Variants in ADAMTSL1 observed in about 807,000 individuals in gnomAD.
The protein encoded by ADAMTSL1 is ADAMTS like 1, also known as ADAMTS-like protein 1.
Under a neutral mutation model 201.8 loss-of-function variants are expected in ADAMTSL1, and 126 were observed. The observed-to-expected ratio is 0.62, with a 90% CI of 0.54 to 0.72. The LOEUF (loss-of-function observed/expected upper bound fraction) is 0.72, where lower values mean the gene tolerates loss of function less well. ADAMTSL1 is among the 30% of genes least tolerant of loss of function. ADAMTSL1 has a pLI of 0.00. For missense variants in ADAMTSL1, 2,679 were observed against 2,277.8 expected, an observed-to-expected ratio of 1.18 and a Z score of -3.59; for synonymous variants, 1,121 against 903.4, an observed-to-expected ratio of 1.24 and a Z score of -4.32.
chr9:18,135,128 T>C (rs1244176884), intron 1 of ADAMTSL1, among the ~76,000 whole-genome samples: 2 of 152,190 alleles, frequency 1.3e-5, no homozygotes, highest in Non-Finnish European at 2.9e-5. Context: ...TCAGTATTTG[T>C]AATTATAAAC....
chr9:18,471,236 C>A (rs902614016), upstream of ADAMTSL1, among the ~76,000 whole-genome samples: 2 of 152,254 alleles, frequency 1.3e-5, no homozygotes, highest in East Asian at 3.9e-4. Flanking sequence ...TCAACAACAT[C>A]ACTGCCAACA....
intron 3 of ADAMTSL1, among the ~76,000 whole-genome samples, chr9:18,539,083 T>G (rs959406390): frequency 6.6e-6 from 1 of 152,146 alleles, no homozygotes; most frequent in Non-Finnish European, 1.5e-5. Flanking sequence ...CTACTAAACT[T>G]TCCCATACTC....
At chr9:18,805,188 C>G (rs530457636) in intron 20 of ADAMTSL1, among the ~76,000 whole-genome samples, 4 of 152,294 alleles carry the variant, frequency 2.6e-5, no homozygotes, top group Admixed American at 6.5e-5. Flanking sequence ...ACAAGGCCAG[C>G]CATGGTGTGA....
At chr9:18,616,824 CTTT>C (rs927698198) in intron 4 of ADAMTSL1, among the ~76,000 whole-genome samples, 1 of 152,050 alleles carries the variant, frequency 6.6e-6, no homozygotes, top group Non-Finnish European at 1.5e-5. Context: ...TGCTATAAAT[CTTT>C]TTATTATTTA....
At chr9:18,075,140 A>AG (rs1360479502) in intron 1 of ADAMTSL1, among the ~76,000 whole-genome samples, 2 of 151,504 alleles carry the variant, frequency 1.3e-5, no homozygotes, top group African/African-American at 4.9e-5. Context: ...AACTTCTGTG[A>AG]GGGGGAGGGA....
At chr9:18,239,868 T>G (rs1419835135) in intron 2 of ADAMTSL1, among the ~76,000 whole-genome samples, 1 of 152,176 alleles carries the variant, frequency 6.6e-6, no homozygotes, top group East Asian at 1.9e-4. Flanking sequence ...TTCATTCAAG[T>G]TTTATTGTGA....
chr9:18,517,332 G>A (rs1157679947), intron 2 of ADAMTSL1, among the ~76,000 whole-genome samples: 2 of 151,550 alleles, frequency 1.3e-5, no homozygotes, highest in East Asian at 1.9e-4. Context: ...GAAAATAAAC[G>A]TGTTCATTAA....
chr9:18,392,553 A>G (rs1838095151), intron 2 of ADAMTSL1, among the ~76,000 whole-genome samples: 1 of 152,138 alleles, frequency 6.6e-6, no homozygotes, highest in Non-Finnish European at 1.5e-5. Flanking sequence ...TCTGTTATTT[A>G]GTATTTTTGA....
intron 24 of ADAMTSL1, 126 bp from the exon 25 acceptor site, chr9:18,889,442 A>G (rs1409667317): frequency 9.7e-7 from 1 of 1,031,128 alleles, no homozygotes; most frequent in Non-Finnish European, 1.4e-6. Flanking sequence ...CCTCATTTAT[A>G]ATAGCTCCTC....
intron 1 of ADAMTSL1, among the ~76,000 whole-genome samples, chr9:18,022,244 C>T (rs1050538077): frequency 7.9e-5 from 12 of 152,122 alleles, no homozygotes; most frequent in Admixed American, 6.6e-5. Context: ...TGAGCACTGC[C>T]AGTACCTCAT....
rs150358597 is a variant in ADAMTSL1 at position 17,949,647 on chromosome 9, C to G, written c.87+42725C>G. The stretch of plus-strand genomic sequence containing the variant: ...ACAATGACATGTTTCTGTCTTATTG[C>G]TCACAGGCAGCATGGTAGTAGAAAC... On this transcript the variant is annotated intron_variant, in intron 1 of 29. Transcript: ENST00000680146. Among the ~76,000 whole-genome samples, 714 of 152,296 alleles carry G rather than the reference C, an allele frequency of 4.7e-3. 4 individuals are homozygous for G. Among genetic ancestry groups the G allele is most frequent in the African/African-American group, 0.016 (680 of 41,574 alleles).
At chr9:18,537,955 G>A (rs1223770353) in intron 3 of ADAMTSL1, among the ~76,000 whole-genome samples, 1 of 125,196 alleles carries the variant, frequency 8.0e-6, no homozygotes, top group Non-Finnish European at 1.7e-5. Flanking sequence ...AGAAGAAGAA[G>A]GAAGAAGAGA....
chr9:18,647,922 G>C (rs1028749000), intron 7 of ADAMTSL1, among the ~76,000 whole-genome samples: 9 of 150,328 alleles, frequency 6.0e-5, no homozygotes, highest in Non-Finnish European at 1.3e-4. Context: ...GCAGAGCTGA[G>C]TTCAATTCCT....
chr9:18,892,633 T>G, intron 26 of ADAMTSL1, 37 bp downstream of exon 26: 1 of 1,544,226 alleles, frequency 6.5e-7, no homozygotes, highest in Non-Finnish European at 8.7e-7. Flanking sequence ...GAAAGCTAAA[T>G]CTAAAGGAAT....
chr9:18,330,651 C>T lies in ADAMTSL1; in HGVS notation c.207+166670C>T, dbSNP rs912325842. Among the ~76,000 whole-genome samples the T allele has an allele frequency of 6.6e-5, 10 of 152,230 alleles. No homozygotes were observed. The South Asian group carries it at 1.5e-3, about 22-fold the overall frequency. On this transcript the variant is annotated intron_variant, in intron 2 of 29. Transcript: ENST00000680146. ...ATTTTATAGACATGTGGGATATTAT[C>T]CCAAATTCACAGAGTAGAAAGTGGC...
intron 1 of ADAMTSL1, among the ~76,000 whole-genome samples, chr9:18,087,089 T>G (rs10756930): frequency 0.046 from 6,994 of 152,268 alleles, 420 homozygotes; most frequent in East Asian, 0.36. Context: ...TTTGCTTAAC[T>G]TGGGTTAGAT....
intron 13 of ADAMTSL1, among the ~76,000 whole-genome samples, chr9:18,686,949 A>C (rs1190056574): frequency 6.6e-6 from 1 of 152,232 alleles, no homozygotes; most frequent in Non-Finnish European, 1.5e-5. Context: ...AAAAAGTTTT[A>C]GCCATTGAAA....
chr9:18,298,956 G>A (rs1484464344), intron 2 of ADAMTSL1, among the ~76,000 whole-genome samples: 3 of 150,886 alleles, frequency 2.0e-5, no homozygotes, highest in Admixed American at 6.6e-5. Context: ...AGCTTGCAGT[G>A]AGCCGAGATG....
intron 2 of ADAMTSL1, among the ~76,000 whole-genome samples, chr9:18,299,034 A>T (rs1833593721): frequency 6.7e-6 from 1 of 149,908 alleles, no homozygotes; most frequent in Non-Finnish European, 1.5e-5. Flanking sequence ...TAATAATAAT[A>T]ATAATAATAG....
Sources: allele counts gnomAD v4.1 joint callset (sites outside exome capture counted in the v4.1 genomes callset), GRCh38; gene constraint gnomAD v4.1.1; transcripts MANE v1.5; gene names NCBI Gene and HGNC (gene_info 2026-07-23, HGNC 2026-07-21).